The following KALRN variants were observed in gnomAD, a reference collection of about 807,000 sequenced individuals.
The protein encoded by KALRN is kalirin.
A neutral mutation model predicts 353.7 loss-of-function variants in KALRN; 70 were observed. The ratio of observed to expected loss-of-function variants is 0.20; its 90% CI spans 0.16 to 0.24. The LOEUF is 0.24. Ranked by LOEUF, KALRN falls within the 10% of genes least tolerant of loss-of-function variation. The pLI, the probability that KALRN is intolerant of heterozygous loss-of-function variation, is 1.00. For missense variants in KALRN, 2,791 were observed against 3,756.7 expected (o/e 0.74, Z 6.72); for synonymous variants, 1,391 against 1,434.8 (o/e 0.97, Z 0.69).
chr3:124,550,009 A>C lies in KALRN; in HGVS notation c.4936-12834A>C, dbSNP rs549619772. 2.3e-4 allele frequency among the ~76,000 whole-genome samples: 35 copies of C among 152,306 alleles called. No homozygotes were observed. The South Asian group carries it at 7.0e-3, about 31-fold the overall frequency. On this transcript the variant is annotated intron_variant, in intron 33 of 59. Coordinates refer to ENST00000682506, the MANE Select transcript of KALRN (RefSeq NM_001388419.1). ...GACAAGGATGGCAGAGCCCATGTAA[A>C]TTCTGAAATAAGAGAGTGTTATGAG...
intron 9 of KALRN, among the ~76,000 whole-genome samples, chr3:124,336,996 A>G (rs2081197925): frequency 6.6e-6 from 1 of 152,082 alleles, no homozygotes; most frequent in Non-Finnish European, 1.5e-5. Flanking sequence ...GCAAAAAATC[A>G]ATTGCATTGA....
At chr3:124,512,994 A>C (rs556311326) in intron 33 of KALRN, among the ~76,000 whole-genome samples, 1 of 152,294 alleles carries the variant, frequency 6.6e-6, no homozygotes, top group African/African-American at 2.4e-5. Flanking sequence ...AGGGACGAGC[A>C]GGTGCCTAGC....
chr3:124,661,036 G>C (rs753288319), intron 44 of KALRN, 63 bp downstream of exon 44: 131 of 1,291,398 alleles, frequency 1.0e-4, no homozygotes, highest in Non-Finnish European at 1.5e-4. Flanking sequence ...TTTCTCTAGA[G>C]GGGAAAAGAT....
chr3:124,166,053 C>G (rs989899103), intron 1 of KALRN, among the ~76,000 whole-genome samples: 1 of 152,118 alleles, frequency 6.6e-6, no homozygotes, highest in Non-Finnish European at 1.5e-5. Flanking sequence ...CTGCCTGCTC[C>G]CCAGCATTCA....
intron 33 of KALRN, among the ~76,000 whole-genome samples, chr3:124,497,924 C>T (rs966094974): frequency 2.0e-5 from 3 of 152,200 alleles, no homozygotes; most frequent in Non-Finnish European, 2.9e-5. Flanking sequence ...TTTAGGAAGA[C>T]CTCAGCTCCA....
At chr3:124,385,815 A>C (rs867522861) in intron 11 of KALRN, among the ~76,000 whole-genome samples, 5 of 152,242 alleles carry the variant, frequency 3.3e-5, no homozygotes, top group African/African-American at 1.2e-4. Flanking sequence ...AAATTGAATA[A>C]GTGGCCAGTA....
At chr3:124,595,380 A>G (rs1298040141) in intron 34 of KALRN, among the ~76,000 whole-genome samples, 1 of 152,214 alleles carries the variant, frequency 6.6e-6, no homozygotes, top group Non-Finnish European at 1.5e-5. Context: ...GAGATCAGCC[A>G]TGGTGGGAGT....
intron 34 of KALRN, among the ~76,000 whole-genome samples, chr3:124,616,637 A>G (rs1295065119): frequency 6.6e-6 from 1 of 151,996 alleles, no homozygotes; most frequent in East Asian, 1.9e-4. Flanking sequence ...GGCTTTCTTA[A>G]CTCATCTTTA....
intron 34 of KALRN, among the ~76,000 whole-genome samples, chr3:124,615,242 A>G (rs1267047216): frequency 6.6e-6 from 1 of 152,236 alleles, no homozygotes; most frequent in East Asian, 1.9e-4. Flanking sequence ...CACACACCTT[A>G]AATGTAATCA....
At chr3:124,637,341 C>A in intron 37 of KALRN, 38 bp downstream of exon 37, 1 of 1,379,708 alleles carries the variant, frequency 7.2e-7, no homozygotes, top group Non-Finnish European at 1.0e-6. Context: ...GTGTGTGTCT[C>A]ACCTTCACAC....
intron 47 of KALRN, among the ~76,000 whole-genome samples, chr3:124,667,636 A>G (rs1489831087): frequency 6.6e-6 from 1 of 152,222 alleles, no homozygotes; most frequent in Non-Finnish European, 1.5e-5. Context: ...GTGAGAGCCT[A>G]CATAAGCCAC....
intron 34 of KALRN, among the ~76,000 whole-genome samples, chr3:124,596,963 C>A (rs333254): frequency 6.6e-6 from 1 of 151,846 alleles, no homozygotes; most frequent in Non-Finnish European, 1.5e-5. Context: ...GCGTGAGAAT[C>A]CTTGAACCCG....
intron 3 of KALRN, among the ~76,000 whole-genome samples, chr3:124,255,285 T>C (rs1293044331): frequency 6.6e-6 from 1 of 152,186 alleles, no homozygotes; most frequent in Non-Finnish European, 1.5e-5. Context: ...TTATTTCTTA[T>C]AGTTTCAGTC....
intron 5 of KALRN, among the ~76,000 whole-genome samples, chr3:124,294,901 T>C (rs989061362): frequency 6.6e-6 from 1 of 152,176 alleles, no homozygotes; most frequent in Non-Finnish European, 1.5e-5. Context: ...CAAACCACTA[T>C]CTCTTCAAAT....
chr3:124,570,752 C>G (rs556086749), intron 34 of KALRN, among the ~76,000 whole-genome samples: 201 of 152,256 alleles, frequency 1.3e-3, no homozygotes, highest in African/African-American at 4.7e-3. Context: ...TTGAAACTTA[C>G]TCTTTTTATA....
chr3:124,621,881 T>C (rs1244652891), intron 34 of KALRN, among the ~76,000 whole-genome samples: 1 of 152,236 alleles, frequency 6.6e-6, no homozygotes, highest in Non-Finnish European at 1.5e-5. Context: ...CTGCAGGCCT[T>C]ATGCTGTCAA....
At chr3:124,631,900 T>A (rs2080827619) in intron 34 of KALRN, among the ~76,000 whole-genome samples, 1 of 152,222 alleles carries the variant, frequency 6.6e-6, no homozygotes, top group African/African-American at 2.4e-5. Context: ...AGGCCTTGCC[T>A]TGGGACCTTT....
intron 3 of KALRN, among the ~76,000 whole-genome samples, chr3:124,257,391 G>C (rs1252551802): frequency 6.6e-6 from 1 of 152,150 alleles, no homozygotes; most frequent in East Asian, 1.9e-4. Context: ...AAGTGTTCTA[G>C]GTGATAAAGA....
intron 53 of KALRN, among the ~76,000 whole-genome samples, chr3:124,695,212 C>T (rs6766433): frequency 0.09 from 13,702 of 152,106 alleles, 988 homozygotes; most frequent in East Asian, 0.32. Flanking sequence ...CAAAACTTAG[C>T]TGACTGCCTC....
Sources: gnomAD v4.1 joint callset for allele counts (sites outside exome capture counted in the v4.1 genomes callset) on GRCh38, gnomAD v4.1.1 for gene constraint, MANE v1.5 for transcripts, NCBI Gene and HGNC (gene_info 2026-07-23, HGNC 2026-07-21) for gene names.